The following EXOC4 variants were observed in gnomAD, a reference collection of about 807,000 sequenced individuals.
EXOC4 encodes SEC8-like 1.
Under a neutral mutation model 107.2 loss-of-function variants are expected in EXOC4, and 71 were observed. That is an observed-to-expected ratio of 0.66 (90% CI 0.55 to 0.81). The LOEUF is 0.81. Ranked by LOEUF, EXOC4 falls within the 30% of genes least tolerant of loss-of-function variation. EXOC4 has a pLI of 0.00. For missense variants in EXOC4, 1,108 were observed against 1,189.6 expected (o/e 0.93, Z 1.01); for synonymous variants, 456 against 441.2 (o/e 1.03, Z -0.42).
intron 7 of EXOC4, among the ~76,000 whole-genome samples, chr7:133,395,611 T>A (rs922168118): frequency 5.9e-5 from 9 of 152,156 alleles, no homozygotes; most frequent in African/African-American, 2.2e-4. Flanking sequence ...TTAGGCCCTA[T>A]GTGATTCTGG....
intron 9 of EXOC4, among the ~76,000 whole-genome samples, chr7:133,527,217 A>T (rs1170214236): frequency 3.3e-5 from 5 of 151,996 alleles, no homozygotes; most frequent in Non-Finnish European, 7.4e-5. Flanking sequence ...CAGCCTGGCC[A>T]ACATGGTGAA....
intron 9 of EXOC4, among the ~76,000 whole-genome samples, chr7:133,627,651 A>G (rs1802488985): frequency 6.6e-6 from 1 of 152,204 alleles, no homozygotes; most frequent in Non-Finnish European, 1.5e-5. Flanking sequence ...ACCGTACCAT[A>G]TGACCTTTCA....
intron 10 of EXOC4, among the ~76,000 whole-genome samples, chr7:133,779,107 A>G (rs915855391): frequency 6.6e-6 from 1 of 152,230 alleles, no homozygotes; most frequent in East Asian, 1.9e-4. Context: ...TTTATACATC[A>G]GTGAGTACCT....
At chr7:133,358,154 C>G (rs1392009216) in intron 6 of EXOC4, among the ~76,000 whole-genome samples, 3 of 152,148 alleles carry the variant, frequency 2.0e-5, no homozygotes, top group Admixed American at 6.5e-5. Context: ...CTACTGCACT[C>G]CAGCCTGGTT....
intron 1 of EXOC4, among the ~76,000 whole-genome samples, chr7:133,261,801 T>G (rs963250928): frequency 1.3e-5 from 2 of 152,104 alleles, no homozygotes; most frequent in Non-Finnish European, 2.9e-5. Context: ...ATTATGAAAT[T>G]TTTTCACTCT....
intron 10 of EXOC4, among the ~76,000 whole-genome samples, chr7:133,799,726 G>T (rs1355127735): frequency 6.6e-6 from 1 of 152,164 alleles, no homozygotes; most frequent in Non-Finnish European, 1.5e-5. Context: ...GAAATATACT[G>T]TGAAAGTTTG....
At chr7:133,992,484 T>G (rs1183267728) in intron 14 of EXOC4, among the ~76,000 whole-genome samples, 1 of 151,936 alleles carries the variant, frequency 6.6e-6, no homozygotes, top group Admixed American at 6.6e-5. Flanking sequence ...GGTTTCACTA[T>G]GTTGGCCAGG....
At chr7:133,999,549 G>A (rs141186793) in intron 15 of EXOC4, among the ~76,000 whole-genome samples, 3 of 152,104 alleles carry the variant, frequency 2.0e-5, no homozygotes, top group East Asian at 3.9e-4. Context: ...TTTCATATTT[G>A]GTATCTCTTT....
chr7:133,691,259 G>A (rs1794412552), intron 10 of EXOC4, among the ~76,000 whole-genome samples: 1 of 152,174 alleles, frequency 6.6e-6, no homozygotes, highest in South Asian at 2.1e-4. Context: ...GATGTTAGTG[G>A]TTGGAGATGG....
At chr7:133,546,370 C>T (rs1381988678) in intron 9 of EXOC4, among the ~76,000 whole-genome samples, 1 of 151,272 alleles carries the variant, frequency 6.6e-6, no homozygotes, top group African/African-American at 2.4e-5. Flanking sequence ...ATTCTCCTGC[C>T]TCAGCCCCCC....
At chr7:133,378,261 G>T (rs1448363112) in intron 7 of EXOC4, among the ~76,000 whole-genome samples, 2 of 146,392 alleles carry the variant, frequency 1.4e-5, no homozygotes, top group Non-Finnish European at 3.0e-5. Flanking sequence ...AGTGAGCTGC[G>T]ATCGCGCCAC....
At chr7:133,358,029 A>C (rs1410467524) in intron 6 of EXOC4, among the ~76,000 whole-genome samples, 1 of 152,082 alleles carries the variant, frequency 6.6e-6, no homozygotes, top group East Asian at 1.9e-4. Flanking sequence ...CTCTACTAAA[A>C]ATACAAAAAT....
intron 17 of EXOC4, among the ~76,000 whole-genome samples, chr7:134,040,947 G>T (rs1795501545): frequency 6.6e-6 from 1 of 152,162 alleles, no homozygotes; most frequent in Middle Eastern, 3.4e-3. Flanking sequence ...CTAATCCTTG[G>T]CTGAACTGTG....
chr7:133,616,418 T>C (rs1376504763), intron 9 of EXOC4, among the ~76,000 whole-genome samples: 3 of 152,122 alleles, frequency 2.0e-5, no homozygotes, highest in East Asian at 3.9e-4. Flanking sequence ...TTGAATGAAA[T>C]GAAATAATTG....
intron 17 of EXOC4, among the ~76,000 whole-genome samples, chr7:134,024,143 C>G (rs1436132752): frequency 6.6e-6 from 1 of 152,172 alleles, no homozygotes. Flanking sequence ...ATGAAAGTGT[C>G]TTAAAATAGC....
In EXOC4 at chr7:133,388,899, T is replaced by C. The variant is rs1796788915; in HGVS notation, c.1182+13897T>C. On this transcript the variant is annotated intron_variant, in intron 7 of 17. Transcript: ENST00000253861. ...ATTGAAGAAACTATATCCTTTGCTT[T>C]GTAAAATTTTCCACAGTGTGGCTGG... Among the ~76,000 whole-genome samples the C allele has an allele frequency of 3.3e-5, 5 of 152,374 alleles. No individual in the cohort carries two copies. The South Asian group carries it at 1.0e-3, about 32-fold the overall frequency.
chr7:133,592,568 G>A (rs1346035906), intron 9 of EXOC4, among the ~76,000 whole-genome samples: 1 of 152,098 alleles, frequency 6.6e-6, no homozygotes, highest in African/African-American at 2.4e-5. Flanking sequence ...TCAGCCTCTT[G>A]AGTAGCAGGA....
At chr7:133,829,552 T>C (rs992789291) in intron 11 of EXOC4, among the ~76,000 whole-genome samples, 2 of 152,210 alleles carry the variant, frequency 1.3e-5, no homozygotes, top group Non-Finnish European at 2.9e-5. Context: ...GAGCTTAGCA[T>C]TTGTCATCAG....
chr7:133,811,742 A>G (rs1333000501), intron 10 of EXOC4, among the ~76,000 whole-genome samples: 1 of 152,194 alleles, frequency 6.6e-6, no homozygotes, highest in African/African-American at 2.4e-5. Flanking sequence ...TCTGTCAATA[A>G]GAATTACTGG....
Sources: gnomAD v4.1 joint callset for allele counts (sites outside exome capture counted in the v4.1 genomes callset) on GRCh38, gnomAD v4.1.1 for gene constraint, MANE v1.5 for transcripts, NCBI Gene and HGNC (gene_info 2026-07-23, HGNC 2026-07-21) for gene names.